Variants in ZNF169 observed in about 807,000 individuals in gnomAD.
The protein encoded by ZNF169 is zinc finger protein 169.
Under a neutral mutation model 12.0 loss-of-function variants are expected in ZNF169, and 11 were observed. The observed-to-expected ratio is 0.92, with a 90% CI of 0.58 to 1.52. The LOEUF (loss-of-function observed/expected upper bound fraction) is 1.52. ZNF169 is among the 40% of genes most tolerant of loss of function. ZNF169 has a pLI of 0.00. For synonymous variants in ZNF169, 302 were observed against 286.5 expected (o/e 1.05, Z -0.55); for missense variants, 722 against 744.0 (o/e 0.97, Z 0.34).
chr9:94,287,769 G>C, intron 2 of ZNF169: 1 of 1,394,526 alleles, frequency 7.2e-7, no homozygotes, highest in East Asian at 2.3e-5. Flanking sequence ...ATCCAGGAGA[G>C]CTGACAGTGT....
At chr9:94,261,433 C>T (rs1423938965) in intron 1 of ZNF169, among the ~76,000 whole-genome samples, 3 of 152,198 alleles carry the variant, frequency 2.0e-5, no homozygotes, top group Middle Eastern at 3.2e-3. Context: ...CCACTGCGCC[C>T]GGCCAAGACC....
chr9:94,265,687 C>T (rs954610948), intron 1 of ZNF169, among the ~76,000 whole-genome samples: 2 of 152,022 alleles, frequency 1.3e-5, no homozygotes, highest in African/African-American at 2.4e-5. Flanking sequence ...TTCTTTTAAT[C>T]TATAACTAAG....
At chr9:94,265,041 T>TA (rs1554712987) in intron 1 of ZNF169, among the ~76,000 whole-genome samples, 2 of 146,862 alleles carry the variant, frequency 1.4e-5, no homozygotes, top group South Asian at 2.1e-4. Flanking sequence ...TTTTTTTTTT[T>TA]AATATCTCTT....
intron 1 of ZNF169, among the ~76,000 whole-genome samples, chr9:94,263,295 A>G (rs1329382872): frequency 6.6e-6 from 1 of 152,122 alleles, no homozygotes; most frequent in Non-Finnish European, 1.5e-5. Context: ...TATCTTTGTT[A>G]TATCTTCCTG....
At chr9:94,264,919 G>C (rs1414783002) in intron 1 of ZNF169, among the ~76,000 whole-genome samples, 1 of 150,080 alleles carries the variant, frequency 6.7e-6, no homozygotes, top group Non-Finnish European at 1.5e-5. Flanking sequence ...TGTTGTTTTT[G>C]ATTGTTAGGT....
chr9:94,259,656 G>T (rs569510508), intron 1 of ZNF169, among the ~76,000 whole-genome samples: 1 of 152,240 alleles, frequency 6.6e-6, no homozygotes, highest in South Asian at 2.1e-4. Context: ...GAGCTACTTC[G>T]CAGGTGCGTC....
At chr9:94,268,606 G>T (rs1459622491) in intron 1 of ZNF169, among the ~76,000 whole-genome samples, 1 of 151,822 alleles carries the variant, frequency 6.6e-6, no homozygotes. Context: ...TGACCAACAT[G>T]GTGAAACCCC....
At chr9:94,293,236 C>T in intron 4 of ZNF169, 167 bp downstream of exon 4, 1 of 661,304 alleles carries the variant, frequency 1.5e-6, no homozygotes, top group East Asian at 2.7e-5. Flanking sequence ...GTGTGCCTCC[C>T]CCCAGGACAG....
chr9:94,282,349 T>C (rs965411801), intron 2 of ZNF169, among the ~76,000 whole-genome samples: 1 of 152,182 alleles, frequency 6.6e-6, no homozygotes, highest in Non-Finnish European at 1.5e-5. Context: ...GGGATACATC[T>C]TAGTTTTATA....
At chr9:94,286,097 CT>C (rs1042693075) in intron 2 of ZNF169, among the ~76,000 whole-genome samples, 1 of 152,086 alleles carries the variant, frequency 6.6e-6, no homozygotes, top group Non-Finnish European at 1.5e-5. Context: ...GAGATCTGGG[CT>C]TTTAGTGTGT....
rs1389592172 is a variant in ZNF169, at chr9:94,300,780, G to T, written c.1222G>T (p.Gly408Trp). 6.2e-7 allele frequency: 1 copy of T among 1,614,022 alleles called. No homozygotes were observed. Among genetic ancestry groups the T allele is most frequent in the Non-Finnish European group, 8.5e-7 (1 of 1,180,004 alleles). Reference sequence around the variant, plus strand: ...GAAGCCTTATGTCTGTGCTGAGTGTGGGCACAGCTTTCGCCAAAAGGTCAC... The same window carrying T: ...GAAGCCTTATGTCTGTGCTGAGTGTTGGCACAGCTTTCGCCAAAAGGTCAC... ...GEKPYVCAEC[G>W]HSFRQKVTLI... Residue 408 changes from glycine (G) to tryptophan (W), a missense_variant, in exon 5 of 5, where the codon GGG (glycine) becomes TGG (tryptophan). Gly to Trp is a radical substitution (Grantham distance 184). Coordinates refer to ENST00000395395, the MANE Select transcript of ZNF169 (RefSeq NM_194320.4).
At chr9:94,275,470 A>G (rs1026883274) in intron 1 of ZNF169, among the ~76,000 whole-genome samples, 3 of 152,224 alleles carry the variant, frequency 2.0e-5, no homozygotes, top group African/African-American at 7.2e-5. Context: ...GCAAAGGTCC[A>G]TTAGATCAGT....
chr9:94,274,616 C>G (rs1363126965), intron 1 of ZNF169, among the ~76,000 whole-genome samples: 4 of 152,134 alleles, frequency 2.6e-5, no homozygotes, highest in Non-Finnish European at 5.9e-5. Flanking sequence ...ATTCAATATA[C>G]CTAACCTGCC....
At chr9:94,291,076 A>G (rs184599891) in intron 2 of ZNF169, among the ~76,000 whole-genome samples, 1,372 of 66,486 alleles carry the variant, frequency 0.021, 34 homozygotes, top group African/African-American at 0.075. Context: ...TTTTTTTGAG[A>G]TGGAGTTTTG....
At chr9:94,264,520 A>G (rs1189514031) in intron 1 of ZNF169, among the ~76,000 whole-genome samples, 1 of 152,210 alleles carries the variant, frequency 6.6e-6, no homozygotes, top group African/African-American at 2.4e-5. Context: ...GTGATCTTCA[A>G]TCACCACAGA....
In ZNF169 at chr9:94,283,706, A is replaced by G. The variant is rs545362539; in HGVS notation, c.33+4861A>G. On this transcript the variant is annotated intron_variant, in intron 2 of 4. Coordinates refer to ENST00000395395, the MANE Select transcript of ZNF169 (RefSeq NM_194320.4). ...ACAAAGAACCAAGGAAACCATGGAC[A>G]TGGAACTAAAGGAAATGAAGTCAAC... 5.9e-5 allele frequency among the ~76,000 whole-genome samples: 9 copies of G among 152,346 alleles called. No individual in the cohort carries two copies. In the South Asian group the frequency reaches 1.7e-3, roughly 28 times the overall value.
At chr9:94,282,380 C>T (rs1024768520) in intron 2 of ZNF169, among the ~76,000 whole-genome samples, 23 of 152,216 alleles carry the variant, frequency 1.5e-4, no homozygotes, top group East Asian at 1.9e-4. Context: ...AGACATGCGA[C>T]GACGTCAATC....
intron 1 of ZNF169, among the ~76,000 whole-genome samples, chr9:94,269,128 A>T (rs891260140): frequency 1.2e-4 from 19 of 152,122 alleles, no homozygotes; most frequent in African/African-American, 4.3e-4. Context: ...AATACCTCCC[A>T]TTATCAAGTT....
At chr9:94,289,528 G>A (rs1174851100) in intron 2 of ZNF169, among the ~76,000 whole-genome samples, 1 of 152,010 alleles carries the variant, frequency 6.6e-6, no homozygotes, top group Non-Finnish European at 1.5e-5. Flanking sequence ...GGTGGCTCAC[G>A]CCTGTAATCC....
Sources: gnomAD v4.1 joint callset for allele counts (sites outside exome capture counted in the v4.1 genomes callset) on GRCh38, gnomAD v4.1.1 for gene constraint, MANE v1.5 for transcripts, NCBI Gene and HGNC (gene_info 2026-07-23, HGNC 2026-07-21) for gene names.